The following STOML1 variants were observed in gnomAD, a reference collection of about 807,000 sequenced individuals.
STOML1 encodes the protein stomatin-like protein 1.
A neutral mutation model predicts 35.7 loss-of-function variants in STOML1; 27 were observed. That is an observed-to-expected ratio of 0.76 (90% CI 0.56 to 1.04). The LOEUF is 1.04. STOML1 is among the 50% of genes least tolerant of loss of function. The pLI, the probability that STOML1 is intolerant of heterozygous loss-of-function variation, is 0.00. For synonymous variants in STOML1, 219 were observed against 227.9 expected (o/e 0.96, Z 0.35); for missense variants, 451 against 527.1 (o/e 0.86, Z 1.41).
chr15:73,991,741 G>T, intron 1 of STOML1: 1 of 519,104 alleles, frequency 1.9e-6, no homozygotes, highest in Non-Finnish European at 3.7e-6. Flanking sequence ...GGTGCTGGTG[G>T]CCTCCTCTGC....
rs28673666 is a variant in STOML1, at chr15:73,990,922, T to A, written c.134-465A>T. The A allele has an allele frequency of 2.1e-3, 3,178 of 1,519,808 alleles. 55 individuals carry two copies. The African/African-American group carries it at 0.035, about 17-fold the overall frequency. The allele number at this position is 1,519,808 out of a possible 1,614,324, so 94.1% of individuals were successfully genotyped here. ...GCCCCAGAAGTGTGCTTTCCAGGAG[T>A]CCTTATGAAGATGATGCCTTAGCCT... is the stretch of plus-strand genomic sequence containing the variant. On this transcript the variant is annotated intron_variant, in intron 1 of 6. Coordinates refer to ENST00000541638, the MANE Select transcript of STOML1 (RefSeq NM_004809.5).
At chr15:73,987,598 G>A (rs2141671339) in intron 4 of STOML1, 1 of 152,354 alleles carries the variant, frequency 6.6e-6, no homozygotes, top group Middle Eastern at 3.4e-3. Flanking sequence ...TGGATTGAGG[G>A]GCGATGGTGG....
intron 6 of STOML1, 96 bp from the exon 7 acceptor site, chr15:73,984,226 G>T: frequency 1.5e-6 from 2 of 1,313,282 alleles, no homozygotes; most frequent in Admixed American, 2.4e-5. Flanking sequence ...CCATTGGGAG[G>T]AGAGTACTGG....
upstream of STOML1, among the ~76,000 whole-genome samples, chr15:73,992,640 T>C (rs1343866095): frequency 2.0e-5 from 3 of 152,126 alleles, no homozygotes; most frequent in African/African-American, 7.2e-5. Context: ...AGAGCCCATC[T>C]CTACAAAAAA....
intron 1 of STOML1, 147 bp downstream of exon 1, chr15:73,991,944 G>A: frequency 7.9e-7 from 1 of 1,268,768 alleles, no homozygotes; most frequent in Non-Finnish European, 1.1e-6. Flanking sequence ...GCCGGGTCCA[G>A]CCCCCTCTCC....
Position 73,980,701 on chromosome 15 carries a change from AT to A in STOML1, c.*3235del, listed in dbSNP as rs2068950795. The stretch of plus-strand genomic sequence containing the variant: ...CATGGGAAATATGTGTGGAGGGAGA[AT>A]TTTCATAATATGCTTTCCTATCTTT... On this transcript the variant is annotated 3_prime_UTR_variant, in exon 7 of 7. Coordinates refer to ENST00000541638, the MANE Select transcript of STOML1 (RefSeq NM_004809.5). The A allele has an allele frequency of 6.6e-6, 1 of 152,136 alleles. No individual in the cohort carries two copies. The highest frequency in any genetic ancestry group is 1.5e-5 in the Non-Finnish European group (1 of 68,024). 9.4% of individuals were successfully genotyped at this position (152,136 alleles called of 1,614,324 possible).
At chr15:73,985,648 C>T in intron 4 of STOML1, 135 bp from the exon 5 acceptor site, 2 of 1,065,104 alleles carry the variant, frequency 1.9e-6, no homozygotes, top group Non-Finnish European at 2.6e-6. Flanking sequence ...CCTGGGAACA[C>T]AGGCAGAGGG....
Position 73,992,260 on chromosome 15 carries a change from G to T in STOML1, c.-37C>A, listed in dbSNP as rs201561119. 16 of 1,576,034 alleles carry T rather than the reference G, an allele frequency of 1.0e-5. No individual in the cohort carries two copies. In the East Asian group the frequency reaches 1.3e-4, roughly 12 times the overall value. On this transcript the variant is annotated 5_prime_UTR_variant, in exon 1 of 7. Transcript: ENST00000541638. ...GGAGACACGCCCCGCGCCTCCGCGC[G>T]GCGCCCTCCCTGGCCAGTGGGCCCT...
chr15:73,990,376 G>T lies in STOML1; in HGVS notation c.215C>A (p.Pro72His). 1 of 1,614,120 alleles carries T rather than the reference G, an allele frequency of 6.2e-7. No homozygotes were observed. The highest frequency in any genetic ancestry group is 8.5e-7 in the Non-Finnish European group (1 of 1,179,990). ...CTTCAGGGCAAACCAGCCAGAAATG[G>T]GGAAGGTGACCAACAGCAGCAAGAA... ...LGFLLLLVTFPISGWFALKIV... is the reference protein window; with the variant it reads ...LGFLLLLVTFHISGWFALKIV... The change falls in exon 2 of 7, where the codon CCC becomes CAC. Residue 72 changes from proline to histidine, a missense_variant. Pro to His is a moderately conservative substitution (Grantham distance 77). Coordinates refer to ENST00000541638, the MANE Select transcript of STOML1 (RefSeq NM_004809.5).
Position 73,982,026 on chromosome 15 carries a change from T to G in STOML1, c.*1911A>C, listed in dbSNP as rs1340684754. 2 of 152,346 alleles carry G rather than the reference T, an allele frequency of 1.3e-5. No individual in the cohort carries two copies. Among genetic ancestry groups the G allele is most frequent in the Non-Finnish European group, 2.9e-5 (2 of 68,120 alleles). 9.4% of individuals were successfully genotyped at this position (152,346 alleles called of 1,614,324 possible). A position where few individuals can be genotyped will look rare whatever the true frequency, so the allele number is the denominator to read the frequency against. On this transcript the variant is annotated 3_prime_UTR_variant, in exon 7 of 7. Coordinates refer to ENST00000541638, the MANE Select transcript of STOML1 (RefSeq NM_004809.5). ...AAGTTGTGATCTCATTTTTCCTGTC[T>G]TCCCTACCCTCCAGCCCTACCCCAG...
intron 1 of STOML1, chr15:73,990,866 GC>G: frequency 7.2e-6 from 11 of 1,535,630 alleles, no homozygotes; most frequent in Non-Finnish European, 9.6e-6. Context: ...ACTGAATACT[GC>G]TGGCAAAACA....
At chr15:73,986,997 G>A in intron 4 of STOML1, 1 of 154,310 alleles carries the variant, frequency 6.5e-6, no homozygotes, top group Non-Finnish European at 1.4e-5. Flanking sequence ...GAGAGGGGAG[G>A]CAGAAGGGCA....
Position 73,985,454 on chromosome 15 carries a change from T to C in STOML1, c.654A>G (p.Ala218=), listed in dbSNP as rs10851866. The change falls in exon 5 of 7, where the codon GCA becomes GCG. Residue 218 remains alanine (A), a synonymous_variant. Transcript: ENST00000541638. ...WGLEVDRVEL[A]VEAVLQPPQD... ...GGGGCGGCTGGAGCACGGCCTCCAC[T>C]GCCAGCTCCACGCGGTCTACCTCCA... 0.64 allele frequency: 987,242 copies of C among 1,541,086 alleles called. 318,250 individuals are homozygous for C. Among genetic ancestry groups the C allele is most frequent in the African/African-American group, 0.82 (58,304 of 70,932 alleles).
At position 73,983,972 on chromosome 15, in the gene STOML1, T is replaced by C. The variant is rs921649345; in HGVS notation, c.1162A>G (p.Met388Val). The C allele has an allele frequency of 1.2e-5, 19 of 1,613,898 alleles. No individual in the cohort carries two copies. Among genetic ancestry groups the C allele is most frequent in the Non-Finnish European group, 1.5e-5 (18 of 1,180,004 alleles). Residue 388 changes from methionine (M) to valine (V), a missense_variant, in exon 7 of 7, where the codon ATG becomes GTG. Coordinates refer to ENST00000541638, the MANE Select transcript of STOML1 (RefSeq NM_004809.5). ...GCCCTGAGGACAGCCTCCAGCTTCA[T>C]GGCCATAGCCAGGTCGCCCTTCACC... Reference protein sequence around the residue: ...LKVKGDLAMAMKLEAVLRALK With the variant: ...LKVKGDLAMAVKLEAVLRALK
chr15:73,983,714 G>A lies in STOML1; in HGVS notation c.*223C>T. The A allele has an allele frequency of 4.0e-6, 2 of 504,478 alleles. No homozygotes were observed. Among genetic ancestry groups the A allele is most frequent in the Non-Finnish European group, 7.0e-6 (2 of 286,428 alleles). The allele number at this position is 504,478 out of a possible 1,614,324, so 31.3% of individuals were successfully genotyped here. On this transcript the variant is annotated 3_prime_UTR_variant, in exon 7 of 7. Transcript: ENST00000541638. ...AGCTCAGCGCTGGGCACTCAGCTGG[G>A]GACCGGGATGGACAAAGCCTTGTCC...
At position 73,982,029 on chromosome 15, in the gene STOML1, C is replaced by G. The variant is rs1397866721; in HGVS notation, c.*1908G>C. 3 of 152,388 alleles carry G rather than the reference C, an allele frequency of 2.0e-5. No homozygotes were observed. Among genetic ancestry groups the G allele is most frequent in the Admixed American group, 2.0e-4 (3 of 15,292 alleles). The allele number at this position is 152,388 out of a possible 1,614,324, so 9.4% of individuals were successfully genotyped here. ...TTGTGATCTCATTTTTCCTGTCTTC[C>G]CTACCCTCCAGCCCTACCCCAGCCA... On this transcript the variant is annotated 3_prime_UTR_variant, in exon 7 of 7. Transcript: ENST00000541638.
rs2068932864 is a variant in STOML1 at position 73,979,164 on chromosome 15, G to T, written c.*4773C>A. 1 of 152,196 alleles carries T rather than the reference G, an allele frequency of 6.6e-6. No homozygotes were observed. Among genetic ancestry groups the T allele is most frequent in the Admixed American group, 6.5e-5 (1 of 15,274 alleles). The allele number at this position is 152,196 out of a possible 1,614,324, so 9.4% of individuals were successfully genotyped here. The stretch of plus-strand genomic sequence containing the variant: ...TTCATTCATATGAAATGCTAGAAAA[G>T]TGAAATGTGATCAGCGGTTATGGAA... On this transcript the variant is annotated 3_prime_UTR_variant, in exon 7 of 7. Transcript: ENST00000541638.
In STOML1 at chr15:73,979,242, TG is replaced by T. The variant is rs1425764320; in HGVS notation, c.*4694del. ...TGGCAAGCACTGACGGGAAGTGACG[TG>T]GAGAACTTTGTGAGTGGATGGGAAT... On this transcript the variant is annotated 3_prime_UTR_variant, in exon 7 of 7. Coordinates refer to ENST00000541638, the MANE Select transcript of STOML1 (RefSeq NM_004809.5). 6.6e-6 allele frequency: 1 copy of T among 152,160 alleles called. No homozygotes were observed. The highest frequency in any genetic ancestry group is 2.4e-5 in the African/African-American group (1 of 41,426). The allele number at this position is 152,160 out of a possible 1,614,324, so 9.4% of individuals were successfully genotyped here.
chr15:73,993,441 C>T (rs1338960799), upstream of STOML1, among the ~76,000 whole-genome samples: 2 of 152,226 alleles, frequency 1.3e-5, no homozygotes, highest in Non-Finnish European at 2.9e-5. Context: ...CTGCCATAGC[C>T]CACTTCCAGG....
Sources: allele counts gnomAD v4.1 joint callset (sites outside exome capture counted in the v4.1 genomes callset), GRCh38; gene constraint gnomAD v4.1.1; transcripts MANE v1.5; gene names NCBI Gene and HGNC (gene_info 2026-07-23, HGNC 2026-07-21).